Variants in MBD6 observed in about 807,000 individuals in gnomAD.
MBD6 encodes the protein methyl-CpG binding domain protein 6.
A neutral mutation model predicts 66.8 loss-of-function variants in MBD6; 22 were observed. That is an observed-to-expected ratio of 0.33 (90% CI 0.24 to 0.47). The LOEUF is 0.47. MBD6 is among the 20% of genes least tolerant of loss of function. The pLI, the probability that MBD6 is intolerant of heterozygous loss-of-function variation, is 1.00. For missense variants in MBD6, 1,322 were observed against 1,286.9 expected, an observed-to-expected ratio of 1.03 and a Z score of -0.42; for synonymous variants, 540 against 534.6, an observed-to-expected ratio of 1.01 and a Z score of -0.14.
intron 1 of MBD6, chr12:57,523,313 A>C (rs1195104181): frequency 6.6e-6 from 1 of 151,888 alleles, no homozygotes; most frequent in Non-Finnish European, 1.5e-5. Context: ...TGAGAGGGAA[A>C]GTTTGGAAGC....
chr12:57,525,941 T>A lies in MBD6; in HGVS notation c.973T>A (p.Ser325Thr), dbSNP rs1233938323. 3.1e-6 allele frequency: 5 copies of A among 1,612,128 alleles called. No individual in the cohort carries two copies. The East Asian group carries it at 8.9e-5, about 29-fold the overall frequency. Residue 325 changes from serine to threonine, a missense_variant, in exon 6 of 13, where the codon TCT becomes ACT. Ser to Thr is a moderately conservative substitution (Grantham distance 58, BLOSUM62 1). Coordinates refer to ENST00000355673, the MANE Select transcript of MBD6 (RefSeq NM_052897.4). ...CCCCTTCCTTGCTAGCAGCCTACTC[T>A]CTGCAGCGGCCAAGGCACAGCATCC... ...APPFLASSLLSAAAKAQHPPL... is the reference protein window; with the variant it reads ...APPFLASSLLTAAAKAQHPPL...
chr12:57,527,951 G>T lies in MBD6; in HGVS notation c.2340G>T (p.Gly780=), dbSNP rs150653337. 42 of 1,597,078 alleles carry T rather than the reference G, an allele frequency of 2.6e-5. No homozygotes were observed. Among genetic ancestry groups the T allele is most frequent in the South Asian group, 1.0e-4 (9 of 88,684 alleles). ...AGTTGGGGCTGCAGCTCCTCCCTGGGGGGGGAGCTCCTCCACCCCTCTCAG... is the reference window on the plus strand; with the variant it reads ...AGTTGGGGCTGCAGCTCCTCCCTGGTGGGGGAGCTCCTCCACCCCTCTCAG... ...SGQLGLQLLP[G]GGAPPPLSEA... Residue 780 remains glycine, a synonymous_variant, in exon 9 of 13, where the codon GGG becomes GGT. Transcript: ENST00000355673.
At position 57,527,157 on chromosome 12, in the gene MBD6, CT is replaced by C. The variant is rs1565667433; in HGVS notation, c.2013del (p.Thr672ProfsTer3). On this transcript the variant is annotated frameshift_variant, in exon 7 of 13. Coordinates refer to ENST00000355673, the MANE Select transcript of MBD6 (RefSeq NM_052897.4). LOFTEE classifies it high-confidence loss of function. ...CTTTTCCCCCCACTTTCAGCCCCCCCTACCCTCATAGCTTTAAATTCTGCGC... is the reference window on the plus strand; with the variant it reads ...CTTTTCCCCCCACTTTCAGCCCCCCCACCCTCATAGCTTTAAATTCTGCGC... ...PLLFPPLSAPPTLIALNSALL... is the reference protein window; with the variant it reads ...PLLFPPLSAPXTLIALNSALL... 4.6e-6 allele frequency: 7 copies of C among 1,507,416 alleles called. No individual in the cohort carries two copies. Among genetic ancestry groups the C allele is most frequent in the Non-Finnish European group, 5.4e-6 (6 of 1,118,402 alleles). 93.4% of individuals were successfully genotyped at this position (1,507,416 alleles called of 1,614,324 possible). A position where few individuals can be genotyped will look rare whatever the true frequency, so the allele number is the denominator to read the frequency against.
chr12:57,524,466 T>C, intron 3 of MBD6, 50 bp downstream of exon 3: 1 of 1,480,660 alleles, frequency 6.8e-7, no homozygotes, highest in Non-Finnish European at 9.2e-7. Context: ...TTGCCCAGGT[T>C]TTCTTTCTTC....
chr12:57,526,623 A>G lies in MBD6; in HGVS notation c.1478A>G (p.Gln493Arg), dbSNP rs1482969281. ...CCAGTAGTCCCCAGCCCTGTGCTTC[A>G]AAGCCCATCCGAAGGACTGGGGATG... ...KAPVVPSPVLQSPSEGLGMGA... is the reference protein window; with the variant it reads ...KAPVVPSPVLRSPSEGLGMGA... Residue 493 changes from glutamine (Q) to arginine (R), a missense_variant, in exon 7 of 13, where the codon CAA (glutamine) becomes CGA (arginine). Gln to Arg is a conservative substitution (Grantham distance 43, BLOSUM62 1). Transcript: ENST00000355673. The G allele has an allele frequency of 1.3e-6, 2 of 1,513,240 alleles. No individual in the cohort carries two copies. The highest frequency in any genetic ancestry group is 1.8e-6 in the Non-Finnish European group (2 of 1,131,748). The allele number at this position is 1,513,240 out of a possible 1,614,324, so 93.7% of individuals were successfully genotyped here.
intron 1 of MBD6, 43 bp downstream of exon 1, chr12:57,523,054 C>T (rs1468447303): frequency 6.9e-6 from 1 of 144,220 alleles, no homozygotes; most frequent in African/African-American, 2.6e-5. Flanking sequence ...CCCTCCCCCT[C>T]CCGTCCCTAC....
At chr12:57,523,996 C>G (rs1878646737) in intron 1 of MBD6, 33 bp from the exon 2 acceptor site, 1 of 230,314 alleles carries the variant, frequency 4.3e-6, no homozygotes, top group Non-Finnish European at 8.5e-6. Flanking sequence ...TGGGCAGACT[C>G]CTGACAGTCC....
At position 57,526,317 on chromosome 12, in the gene MBD6, C is replaced by T. The variant is rs1037769537; in HGVS notation, c.1349C>T (p.Pro450Leu). ...PPPPTLSSGS[P>L]PQPRHPIQPS... Reference sequence around the variant, plus strand: ...CCCCCAACCCTCTCCTCAGGGAGCCCTCCCCAGCCCAGGCACCCCATCCAG... The same window carrying T: ...CCCCCAACCCTCTCCTCAGGGAGCCTTCCCCAGCCCAGGCACCCCATCCAG... Residue 450 changes from proline to leucine, a missense_variant, in exon 6 of 13, where the codon CCT (proline) becomes CTT (leucine). Transcript: ENST00000355673. The T allele has an allele frequency of 8.1e-6, 13 of 1,612,712 alleles. No individual in the cohort carries two copies. Among genetic ancestry groups the T allele is most frequent in the African/African-American group, 1.3e-5 (1 of 74,726 alleles).
Position 57,523,411 on chromosome 12 carries a change from CTT to C in MBD6, c.-89+401_-89+402del, listed in dbSNP as rs1878577506. Reference sequence around the variant, plus strand: ...CCCCTTCTATCGGAGGACAGGCTCTCTTGGAGATAATCGGAAGCCAGTGGAAT... The same window carrying C: ...CCCCTTCTATCGGAGGACAGGCTCTCGGAGATAATCGGAAGCCAGTGGAAT... On this transcript the variant is annotated intron_variant, in intron 1 of 12. Transcript: ENST00000355673. 1.3e-5 allele frequency: 2 copies of C among 152,170 alleles called. 1 individual carries two copies. The highest frequency in any genetic ancestry group is 4.8e-5 in the African/African-American group (2 of 41,424). 9.4% of individuals were successfully genotyped at this position (152,170 alleles called of 1,614,324 possible).
chr12:57,526,862 C>G lies in MBD6; in HGVS notation c.1717C>G (p.Pro573Ala). Residue 573 changes from proline to alanine, a missense_variant, in exon 7 of 13, where the codon CCT becomes GCT. Physicochemically the swap from Pro to Ala is conservative, Grantham distance 27. Transcript: ENST00000355673. ...VLTGGGGQPP[P>A]EPLLPPPGGP... is the part of the protein sequence containing the mutation. Reference sequence around the variant, plus strand: ...GACTGGGGGAGGAGGACAACCTCCCCCTGAGCCCCTGCTACCCCCACCAGG... The same window carrying G: ...GACTGGGGGAGGAGGACAACCTCCCGCTGAGCCCCTGCTACCCCCACCAGG... 1 of 1,613,544 alleles carries G rather than the reference C, an allele frequency of 6.2e-7. No individual in the cohort carries two copies. Among genetic ancestry groups the G allele is most frequent in the Non-Finnish European group, 8.5e-7 (1 of 1,179,814 alleles).
Position 57,529,425 on chromosome 12 carries a change from C to CA in MBD6, c.*191_*192insA. On this transcript the variant is annotated 3_prime_UTR_variant, in exon 13 of 13. Coordinates refer to ENST00000355673, the MANE Select transcript of MBD6 (RefSeq NM_052897.4). ...CAGGGGGCAGGGAAGTTCACCCCCCCCCACCACCCCCCCGCCCCCCCGAAG... is the reference window on the plus strand; with the variant it reads ...CAGGGGGCAGGGAAGTTCACCCCCCCACCACCACCCCCCCGCCCCCCCGAAG... 1.5e-5 allele frequency: 8 copies of CA among 520,394 alleles called. No homozygotes were observed. The highest frequency in any genetic ancestry group is 6.3e-5 in the East Asian group (2 of 31,696). 32.2% of individuals were successfully genotyped at this position (520,394 alleles called of 1,614,324 possible).
At chr12:57,531,198 C>T (rs1201927560), downstream of MBD6, among the ~76,000 whole-genome samples, 2 of 152,168 alleles carry the variant, frequency 1.3e-5, no homozygotes, top group Non-Finnish European at 2.9e-5. Flanking sequence ...AATGCTCCTT[C>T]CAGCACTGAG....
In MBD6 at chr12:57,529,524, T is replaced by G; in HGVS notation, c.*290T>G. ...ACCAGGCGCTAAGGGGAACACCCCC[T>G]TCCCCAGGTCTTTTATTTGTTTAAG... is the stretch of plus-strand genomic sequence containing the variant. On this transcript the variant is annotated 3_prime_UTR_variant, in exon 13 of 13. Transcript: ENST00000355673. 12 of 305,594 alleles carry G rather than the reference T, an allele frequency of 3.9e-5. No homozygotes were observed. The highest frequency in any genetic ancestry group is 5.4e-5 in the East Asian group (1 of 18,488). 18.9% of individuals were successfully genotyped at this position (305,594 alleles called of 1,614,324 possible). A position where few individuals can be genotyped will look rare whatever the true frequency, so the allele number is the denominator to read the frequency against.
At chr12:57,527,690 C>G (rs374840110) in intron 8 of MBD6, 30 bp downstream of exon 8, 5 of 1,565,238 alleles carry the variant, frequency 3.2e-6, no homozygotes, top group Non-Finnish European at 4.3e-6. Context: ...AATTCACACT[C>G]TTGGTGTGAA....
upstream of MBD6, among the ~76,000 whole-genome samples, chr12:57,522,135 C>G (rs1022906499): frequency 1.3e-5 from 2 of 152,186 alleles, no homozygotes; most frequent in Non-Finnish European, 2.9e-5. Context: ...GAAACTGTCA[C>G]AAGGCCGGTT....
chr12:57,523,998 T>C (rs1044677603), intron 1 of MBD6, 31 bp from the exon 2 acceptor site: 3 of 228,342 alleles, frequency 1.3e-5, no homozygotes, highest in Non-Finnish European at 2.6e-5. Flanking sequence ...GGCAGACTCC[T>C]GACAGTCCCA....
intron 2 of MBD6, 75 bp from the exon 3 acceptor site, chr12:57,524,205 C>A: frequency 1.1e-6 from 1 of 917,616 alleles, no homozygotes; most frequent in Non-Finnish European, 1.6e-6. Flanking sequence ...CAACCTTTGC[C>A]TTCCTGGAGT....
chr12:57,527,725 A>C, intron 8 of MBD6, 65 bp downstream of exon 8: 9 of 1,556,830 alleles, frequency 5.8e-6, no homozygotes, highest in Non-Finnish European at 7.8e-6. Flanking sequence ...ACTTGGGAGT[A>C]GTGGCTGAAT....
At chr12:57,523,640 G>A (rs1878604678) in intron 1 of MBD6, among the ~76,000 whole-genome samples, 2 of 152,158 alleles carry the variant, frequency 1.3e-5, no homozygotes, top group South Asian at 4.1e-4. Context: ...GACCTGTGGG[G>A]CAATCTGTAC....
Sources: gnomAD v4.1 joint callset for allele counts (sites outside exome capture counted in the v4.1 genomes callset) on GRCh38, gnomAD v4.1.1 for gene constraint, MANE v1.5 for transcripts, NCBI Gene and HGNC (gene_info 2026-07-23, HGNC 2026-07-21) for gene names.